Variants in NRP1 observed in about 807,000 individuals in gnomAD.
NRP1 encodes neuropilin-1.
In NRP1, 35 loss-of-function variants were observed where a neutral mutation model predicts 106.7. The ratio of observed to expected loss-of-function variants is 0.33; its 90% CI spans 0.25 to 0.43. The LOEUF (loss-of-function observed/expected upper bound fraction) is 0.43, where lower values mean the gene tolerates loss of function less well. Among genes scored for constraint, NRP1 ranks in the 20% least tolerant of loss-of-function variants. The pLI, the probability that NRP1 is intolerant of heterozygous loss-of-function variation, is 1.00. For synonymous variants in NRP1, 437 were observed against 417.9 expected, an observed-to-expected ratio of 1.05 and a Z score of -0.56; for missense variants, 1,024 against 1,170.4, an observed-to-expected ratio of 0.87 and a Z score of 1.83.
At chr10:33,255,495 A>G (rs1348278601) in intron 5 of NRP1, among the ~76,000 whole-genome samples, 3 of 152,154 alleles carry the variant, frequency 2.0e-5, no homozygotes, top group Non-Finnish European at 2.9e-5. Flanking sequence ...CACTCTGTCA[A>G]CCAGGCTGGA....
chr10:33,234,542 C>G (rs1208225405), intron 6 of NRP1, among the ~76,000 whole-genome samples: 1 of 151,940 alleles, frequency 6.6e-6, no homozygotes, highest in Non-Finnish European at 1.5e-5. Context: ...TTAGCACTGG[C>G]CACTGAAAAA....
At chr10:33,327,057 A>G (rs1847941627) in intron 2 of NRP1, among the ~76,000 whole-genome samples, 1 of 152,178 alleles carries the variant, frequency 6.6e-6, no homozygotes, top group Non-Finnish European at 1.5e-5. Context: ...GGTTTCAAAG[A>G]TGTTTCACAA....
At chr10:33,284,589 G>A (rs1375820627) in intron 2 of NRP1, among the ~76,000 whole-genome samples, 1 of 151,336 alleles carries the variant, frequency 6.6e-6, no homozygotes, top group African/African-American at 2.4e-5. Context: ...TTCCCTTTAC[G>A]GCAAATTCCC....
At chr10:33,279,808 A>AT (rs1843981368) in intron 2 of NRP1, among the ~76,000 whole-genome samples, 1 of 152,180 alleles carries the variant, frequency 6.6e-6, no homozygotes, top group Admixed American at 6.5e-5. Flanking sequence ...CCATCTTCTG[A>AT]TACAGCAAAG....
intron 15 of NRP1, among the ~76,000 whole-genome samples, chr10:33,184,631 G>T (rs1027353594): frequency 6.6e-6 from 1 of 152,156 alleles, no homozygotes; most frequent in East Asian, 1.9e-4. Flanking sequence ...TATCATTCTT[G>T]TGAAGATTTG....
chr10:33,215,759 A>G (rs531007372), intron 8 of NRP1, among the ~76,000 whole-genome samples: 1 of 152,350 alleles, frequency 6.6e-6, no homozygotes, highest in South Asian at 2.1e-4. Context: ...CATGAGTTCT[A>G]TGGTCCAGAT....
At chr10:33,303,818 C>T (rs531770294) in intron 2 of NRP1, among the ~76,000 whole-genome samples, 4 of 152,298 alleles carry the variant, frequency 2.6e-5, no homozygotes, top group South Asian at 2.1e-4. Flanking sequence ...CCCACTTGAC[C>T]GTGACCCCTT....
intron 2 of NRP1, among the ~76,000 whole-genome samples, chr10:33,292,736 C>G (rs1322963191): frequency 3.3e-5 from 5 of 152,124 alleles, no homozygotes; most frequent in Non-Finnish European, 7.3e-5. Context: ...GCCTGTAATC[C>G]CAGCACTTTG....
Position 33,180,200 on chromosome 10 carries a change from C to A in NRP1, c.2648G>T (p.Cys883Phe). The A allele has an allele frequency of 2.5e-6, 4 of 1,614,148 alleles. No homozygotes were observed. The highest frequency in any genetic ancestry group is 2.5e-6 in the Non-Finnish European group (3 of 1,180,040). The change falls in exon 17 of 17, where the codon TGT (cysteine) becomes TTT (phenylalanine). Residue 883 changes from cysteine (C) to phenylalanine (F), a missense_variant. Cys to Phe is a radical substitution (Grantham distance 205, BLOSUM62 -2). Around this residue, in one of 5 missense-constraint regions of NRP1, gnomAD observed 164 missense variants for 161.4 expected, o/e 1.02. Transcript: ENST00000374867. ...AVCGVVLYCA[C>F]WHNGMSERNL... ...TCTTTCTGACATCCCATTATGCCAA[C>A]AGGCACAGTACAGCACGACCCCACA... is the stretch of plus-strand genomic sequence containing the variant.
intron 6 of NRP1, among the ~76,000 whole-genome samples, chr10:33,229,624 T>A (rs1839946974): frequency 6.6e-6 from 1 of 152,156 alleles, no homozygotes; most frequent in Non-Finnish European, 1.5e-5. Flanking sequence ...TTCTATTTTT[T>A]AAATTTTGGT....
chr10:33,254,153 T>A lies in NRP1; in HGVS notation c.856A>T (p.Ile286Phe). The A allele has an allele frequency of 1.2e-6, 2 of 1,613,484 alleles. No individual in the cohort carries two copies. Among genetic ancestry groups the A allele is most frequent in the Non-Finnish European group, 1.7e-6 (2 of 1,179,924 alleles). ...MEALGMESGE[I>F]HSDQITASSQ... The stretch of plus-strand genomic sequence containing the variant: ...GAAGCTGTGATCTGGTCAGAATGAA[T>A]TTCTCCTGATTCCATGCCCAGAGCT... The change falls in exon 6 of 17, where the codon ATT (isoleucine) becomes TTT (phenylalanine). Residue 286 changes from isoleucine (I) to phenylalanine (F), a missense_variant. By Grantham distance (21) the Ile-to-Phe change is conservative. Coordinates refer to ENST00000374867, the MANE Select transcript of NRP1 (RefSeq NM_003873.7).
chr10:33,185,343 T>A (rs1341702754), intron 15 of NRP1, among the ~76,000 whole-genome samples: 1 of 152,196 alleles, frequency 6.6e-6, no homozygotes, highest in East Asian at 1.9e-4. Flanking sequence ...ATCTATAGCT[T>A]GTAAGCTGGG....
intron 6 of NRP1, among the ~76,000 whole-genome samples, chr10:33,240,553 G>A (rs958380816): frequency 7.9e-5 from 12 of 152,112 alleles, no homozygotes; most frequent in Non-Finnish European, 1.3e-4. Context: ...TGCAGATGAG[G>A]GTGATGGTCT....
At chr10:33,333,245 C>A (rs1435765027) in intron 1 of NRP1, among the ~76,000 whole-genome samples, 1 of 147,994 alleles carries the variant, frequency 6.8e-6, no homozygotes, top group East Asian at 2.0e-4. Context: ...TTTTTTTTTG[C>A]ATGTGTTTTG....
At chr10:33,286,871 A>G (rs1844607814) in intron 2 of NRP1, among the ~76,000 whole-genome samples, 1 of 152,050 alleles carries the variant, frequency 6.6e-6, no homozygotes, top group African/African-American at 2.4e-5. Flanking sequence ...GCGTGTGTGT[A>G]ATATAATAAG....
chr10:33,232,930 G>A (rs1360091932), intron 6 of NRP1, among the ~76,000 whole-genome samples: 2 of 152,040 alleles, frequency 1.3e-5, no homozygotes, highest in Non-Finnish European at 2.9e-5. Context: ...TTACAGGCAT[G>A]AGCCACCGTG....
At chr10:33,272,300 A>G (rs926270294) in intron 2 of NRP1, among the ~76,000 whole-genome samples, 3 of 152,250 alleles carry the variant, frequency 2.0e-5, no homozygotes, top group Non-Finnish European at 2.9e-5. Context: ...CATTGATGGA[A>G]CTAAGCATTA....
intron 2 of NRP1, among the ~76,000 whole-genome samples, chr10:33,306,183 C>T (rs1445581564): frequency 2.6e-5 from 4 of 152,196 alleles, no homozygotes; most frequent in Non-Finnish European, 4.4e-5. Context: ...TTGTGACTTG[C>T]TTGGGCTAGC....
At chr10:33,182,833 GCACACACACACA>G in intron 15 of NRP1, 85 bp from the exon 16 acceptor site, 2 of 746,330 alleles carry the variant, frequency 2.7e-6, no homozygotes, top group South Asian at 1.5e-5. Flanking sequence ...TTAGGTACAT[GCACACACACACA>G]CACACACACA....
Sources: allele counts gnomAD v4.1 joint callset (sites outside exome capture counted in the v4.1 genomes callset), GRCh38; gene constraint gnomAD v4.1.1; regional missense constraint gnomAD v4.1.1; transcripts MANE v1.5; gene names NCBI Gene and HGNC (gene_info 2026-07-23, HGNC 2026-07-21).